The following FOXP2 variants were observed in gnomAD, a reference collection of about 807,000 sequenced individuals.
FOXP2 encodes forkhead box protein P2.
A neutral mutation model predicts 115.8 loss-of-function variants in FOXP2; 12 were observed. That is an observed-to-expected ratio of 0.10 (90% CI 0.07 to 0.17). FOXP2 has a LOEUF of 0.17. Among genes scored for constraint, FOXP2 ranks in the 10% least tolerant of loss-of-function variants. FOXP2 has a pLI of 1.00. For synonymous variants in FOXP2, 328 were observed against 297.7 expected (o/e 1.10, Z -1.05); for missense variants, 629 against 843.5 (o/e 0.75, Z 3.15).
intron 3 of FOXP2, among the ~76,000 whole-genome samples, chr7:114,594,133 C>T (rs576994238): frequency 6.6e-6 from 1 of 151,848 alleles, no homozygotes; most frequent in African/African-American, 2.4e-5. Flanking sequence ...CTGTTTTAAC[C>T]ATATATATTA....
chr7:114,609,519 T>C (rs1488714219), intron 3 of FOXP2, among the ~76,000 whole-genome samples: 1 of 152,232 alleles, frequency 6.6e-6, no homozygotes, highest in Admixed American at 6.5e-5. Context: ...TAAAATTCTT[T>C]TCGAGCATAG....
At chr7:114,426,286 C>A (rs1793841040) in intron 1 of FOXP2, among the ~76,000 whole-genome samples, 1 of 151,582 alleles carries the variant, frequency 6.6e-6, no homozygotes, top group Non-Finnish European at 1.5e-5. Context: ...TTAAATGTAA[C>A]CGCACAAAAA....
intron 2 of FOXP2, among the ~76,000 whole-genome samples, chr7:114,473,472 G>A (rs1054692606): frequency 3.3e-5 from 5 of 152,176 alleles, no homozygotes; most frequent in Admixed American, 2.0e-4. Context: ...TCTACAAAAC[G>A]AGTGTAAGTA....
chr7:114,612,134 T>C (rs893062892), intron 3 of FOXP2, among the ~76,000 whole-genome samples: 1 of 152,018 alleles, frequency 6.6e-6, no homozygotes, highest in Non-Finnish European at 1.5e-5. Flanking sequence ...TCATTTCACA[T>C]GACGAAAATG....
chr7:114,207,635 A>G (rs1794233684), intron 1 of FOXP2, among the ~76,000 whole-genome samples: 1 of 152,236 alleles, frequency 6.6e-6, no homozygotes, highest in African/African-American at 2.4e-5. Context: ...ATATTAATTA[A>G]CTAATTAATT....
At chr7:114,278,361 CTTT>C (rs374043439) in intron 1 of FOXP2, among the ~76,000 whole-genome samples, 1 of 145,598 alleles carries the variant, frequency 6.9e-6, no homozygotes, top group African/African-American at 2.5e-5. Context: ...TGTTGTTTTA[CTTT>C]TTTTTTTTTG....
At chr7:114,540,313 T>C (rs975135873) in intron 3 of FOXP2, among the ~76,000 whole-genome samples, 2 of 152,076 alleles carry the variant, frequency 1.3e-5, no homozygotes, top group African/African-American at 4.8e-5. Flanking sequence ...GTAAGCGATA[T>C]GACAGCAGGA....
Position 114,690,016 on chromosome 7 carries a change from G to A in FOXP2, c.*90G>A. ...CATGAATATTTGACAAATTTTTACT[G>A]TGACTATTTATTAAGCATGGATAAA... is the stretch of plus-strand genomic sequence containing the variant. On this transcript the variant is annotated 3_prime_UTR_variant, in exon 17 of 17. Transcript: ENST00000350908. 6.7e-7 allele frequency: 1 copy of A among 1,499,014 alleles called. No individual in the cohort carries two copies. The highest frequency in any genetic ancestry group is 9.2e-7 in the Non-Finnish European group (1 of 1,085,730). 92.9% of individuals were successfully genotyped at this position (1,499,014 alleles called of 1,614,324 possible).
chr7:114,193,733 T>C (rs182143041), intron 1 of FOXP2, among the ~76,000 whole-genome samples: 1 of 152,216 alleles, frequency 6.6e-6, no homozygotes, highest in Non-Finnish European at 1.5e-5. Flanking sequence ...TGAGAACCAT[T>C]GTGTTTGATT....
intron 2 of FOXP2, among the ~76,000 whole-genome samples, chr7:114,458,884 T>G (rs1475021678): frequency 6.6e-6 from 1 of 152,168 alleles, no homozygotes; most frequent in Admixed American, 6.5e-5. Flanking sequence ...TTATTTCTCA[T>G]GATTCTGTGG....
chr7:114,369,859 C>CA (rs1325320943), intron 2 of FOXP2, among the ~76,000 whole-genome samples: 1 of 151,900 alleles, frequency 6.6e-6, no homozygotes, highest in Admixed American at 6.6e-5. Context: ...TTATGCTTAT[C>CA]AAAAAATCAT....
In FOXP2 at chr7:114,642,577, T is replaced by A. The variant is rs1359401489; in HGVS notation, c.943T>A (p.Ser315Thr). The change falls in exon 7 of 17, where the codon TCC becomes ACC. Residue 315 changes from serine to threonine, a missense_variant. Coordinates refer to ENST00000350908, the MANE Select transcript of FOXP2 (RefSeq NM_014491.4). ...SKASPPITHH[S>T]IVNGQSSVLS... ...AGCATCACCACCAATAACTCATCAT[T>A]CCATAGTGAATGGACAGTCTTCAGT... 1 of 1,613,512 alleles carries A rather than the reference T, an allele frequency of 6.2e-7. No individual in the cohort carries two copies. The highest frequency in any genetic ancestry group is 8.5e-7 in the Non-Finnish European group (1 of 1,179,910).
intron 2 of FOXP2, among the ~76,000 whole-genome samples, chr7:114,364,443 C>T (rs560669364): frequency 3.9e-5 from 6 of 152,226 alleles, no homozygotes; most frequent in African/African-American, 1.2e-4. Flanking sequence ...AATTCGTCAC[C>T]ATAGCTAGGA....
chr7:114,509,974 C>T (rs1314927001), intron 2 of FOXP2, among the ~76,000 whole-genome samples: 1 of 151,750 alleles, frequency 6.6e-6, no homozygotes, highest in East Asian at 1.9e-4. Flanking sequence ...AGGTAGAAAA[C>T]ATGGTCAGAA....
chr7:114,301,357 T>C (rs1341250365), intron 2 of FOXP2, among the ~76,000 whole-genome samples: 1 of 152,114 alleles, frequency 6.6e-6, no homozygotes, highest in Non-Finnish European at 1.5e-5. Flanking sequence ...TTCACAAATA[T>C]TTGGAGAAAG....
intron 2 of FOXP2, among the ~76,000 whole-genome samples, chr7:114,404,680 T>A (rs1429962146): frequency 6.6e-6 from 1 of 151,930 alleles, no homozygotes; most frequent in Non-Finnish European, 1.5e-5. Context: ...TGTTTAACTT[T>A]ATATCTGCTT....
intron 3 of FOXP2, among the ~76,000 whole-genome samples, chr7:114,560,618 C>A (rs527836344): frequency 1.3e-5 from 2 of 151,814 alleles, no homozygotes; most frequent in African/African-American, 2.4e-5. Context: ...CCTGTTCCCC[C>A]GCCTCCGCCA....
At chr7:114,545,794 A>G (rs906816972) in intron 3 of FOXP2, among the ~76,000 whole-genome samples, 9 of 152,142 alleles carry the variant, frequency 5.9e-5, no homozygotes, top group African/African-American at 2.2e-4. Flanking sequence ...TCACCTTTTC[A>G]TCTAGAAATC....
intron 2 of FOXP2, among the ~76,000 whole-genome samples, chr7:114,373,056 G>A (rs575147587): frequency 2.4e-4 from 36 of 151,764 alleles, no homozygotes; most frequent in African/African-American, 8.7e-4. Flanking sequence ...GCAGTGCGGC[G>A]ATCTTGGCTC....
Sources: allele counts gnomAD v4.1 joint callset (sites outside exome capture counted in the v4.1 genomes callset), GRCh38; gene constraint gnomAD v4.1.1; transcripts MANE v1.5; gene names NCBI Gene and HGNC (gene_info 2026-07-23, HGNC 2026-07-21).